The following TRIM3 variants were observed in gnomAD, a reference collection of about 807,000 sequenced individuals.
TRIM3 encodes tripartite motif-containing protein 3.
Under a neutral mutation model 66.6 loss-of-function variants are expected in TRIM3, and 13 were observed. The ratio of observed to expected loss-of-function variants is 0.20; its 90% CI spans 0.13 to 0.31. The LOEUF (loss-of-function observed/expected upper bound fraction) is 0.31, where lower values mean the gene tolerates loss of function less well. TRIM3 is among the 10% of genes least tolerant of loss of function. The pLI, the probability that TRIM3 is intolerant of heterozygous loss-of-function variation, is 1.00. For missense variants in TRIM3, 711 were observed against 1,020.4 expected, an observed-to-expected ratio of 0.70 and a Z score of 4.13; for synonymous variants, 406 against 411.7, an observed-to-expected ratio of 0.99 and a Z score of 0.17.
Position 6,456,921 on chromosome 11 carries a change from G to C in TRIM3, c.805C>G (p.Leu269Val). ...LRLGSAPEVL[L>V]VRKHMRERLA... ...CGCTCTCGCATGTGCTTGCGCACCAGCAACACCTCCGGGGCCGAGCCCAGG... is the reference window on the plus strand; with the variant it reads ...CGCTCTCGCATGTGCTTGCGCACCACCAACACCTCCGGGGCCGAGCCCAGG... The change falls in exon 6 of 12, where the codon CTG (leucine) becomes GTG (valine). Residue 269 changes from leucine to valine, a missense_variant. Physicochemically the swap from Leu to Val is conservative, Grantham distance 32. Around this residue, in one of 3 missense-constraint regions of TRIM3, gnomAD observed 399 missense variants for 458.1 expected, o/e 0.87. Coordinates refer to ENST00000345851, the MANE Select transcript of TRIM3 (RefSeq NM_033278.4). This position sits in a 1 kb window ranked among gnomAD's most constrained non-coding sequence, Gnocchi z 6.4. The C allele has an allele frequency of 6.2e-7, 1 of 1,611,660 alleles. No homozygotes were observed. The highest frequency in any genetic ancestry group is 8.5e-7 in the Non-Finnish European group (1 of 1,179,982).
chr11:6,469,366 AGCCGCT>A lies in TRIM3; in HGVS notation c.-37-3640_-37-3635del, dbSNP rs1850593042. Among the ~76,000 whole-genome samples the A allele has an allele frequency of 2.0e-5, 3 of 152,092 alleles. No individual in the cohort carries two copies. The South Asian group carries it at 6.2e-4, about 32-fold the overall frequency. ...CCCCTCCCAGACTTACTGGGCATGC[AGCCGCT>A]GAGGCCATACCCCTGCCTGAATCTG... On this transcript the variant is annotated intron_variant, in intron 1 of 11. Coordinates refer to ENST00000345851, the MANE Select transcript of TRIM3 (RefSeq NM_033278.4).
chr11:6,468,422 G>A (rs563478472), intron 1 of TRIM3, among the ~76,000 whole-genome samples: 4 of 152,330 alleles, frequency 2.6e-5, no homozygotes, highest in East Asian at 1.9e-4. Context: ...TTTCAGCAAT[G>A]AGAAGACATG....
Position 6,457,138 on chromosome 11 carries a change from CAG to C in TRIM3, c.697-111_697-110del. The C allele has an allele frequency of 6.6e-7, 1 of 1,518,848 alleles. No individual in the cohort carries two copies. Among genetic ancestry groups the C allele is most frequent in the Non-Finnish European group, 8.9e-7 (1 of 1,129,446 alleles). The allele number at this position is 1,518,848 out of a possible 1,614,324, so 94.1% of individuals were successfully genotyped here. On this transcript the variant is annotated intron_variant, in intron 5 of 11. Coordinates refer to ENST00000345851, the MANE Select transcript of TRIM3 (RefSeq NM_033278.4). This position sits in a 1 kb window ranked among gnomAD's most constrained non-coding sequence, Gnocchi z 4.5. ...TAAAATACAAGAGGGTGCCTGTGGA[CAG>C]AGGACACAGATGCCCACAGCACCTA... is the stretch of plus-strand genomic sequence containing the variant.
intron 2 of TRIM3, 82 bp downstream of exon 2, chr11:6,465,483 C>T (rs1186867034): frequency 6.4e-7 from 1 of 1,560,012 alleles, no homozygotes; most frequent in Non-Finnish European, 8.8e-7. Context: ...TACACATGCT[C>T]CCTCACCCTC....
intron 2 of TRIM3, among the ~76,000 whole-genome samples, chr11:6,463,113 G>A (rs185754556): frequency 0.012 from 1,851 of 152,242 alleles, 47 homozygotes; most frequent in African/African-American, 0.042. Context: ...GCTGAGGCAG[G>A]AGAATCACTT....
chr11:6,470,021 G>C (rs937146530), intron 1 of TRIM3, among the ~76,000 whole-genome samples: 1 of 152,150 alleles, frequency 6.6e-6, no homozygotes. Flanking sequence ...ATGCCTTGTT[G>C]GTCTTATTAA....
chr11:6,452,370 T>C (rs529267740), intron 7 of TRIM3: 1 of 152,210 alleles, frequency 6.6e-6, no homozygotes, highest in African/African-American at 2.4e-5. Flanking sequence ...ACTCACTACA[T>C]AAGTCTCATA....
chr11:6,458,304 G>A lies in TRIM3; in HGVS notation c.132-8C>T, dbSNP rs377606044. On this transcript the variant is annotated splice_region_variant and splice_polypyrimidine_tract_variant and intron_variant, in intron 2 of 11. Transcript: ENST00000345851. The surrounding 1 kb of genome is among the most constrained non-coding windows in gnomAD (Gnocchi z 6.2). Reference sequence around the variant, plus strand: ...ATATAGTTTTGGAGACATCTGTCCAGGAAGGAGAGTCAAAGAACAGAGTGG... The same window carrying A: ...ATATAGTTTTGGAGACATCTGTCCAAGAAGGAGAGTCAAAGAACAGAGTGG... 1 of 1,606,706 alleles carries A rather than the reference G, an allele frequency of 6.2e-7. No individual in the cohort carries two copies. Among genetic ancestry groups the A allele is most frequent in the African/African-American group, 1.3e-5 (1 of 74,808 alleles).
chr11:6,451,103 G>A (rs753248745), intron 8 of TRIM3, 43 bp from the exon 9 acceptor site: 2 of 1,609,654 alleles, frequency 1.2e-6, no homozygotes, highest in African/African-American at 1.3e-5. Flanking sequence ...TTCTGACAGT[G>A]GGGAAAGTAG....
rs1165792204 is a variant in TRIM3 at position 6,465,688 on chromosome 11, T to C, written c.8A>G (p.Lys3Arg). 1.9e-6 allele frequency: 3 copies of C among 1,614,018 alleles called. No individual in the cohort carries two copies. In the South Asian group the frequency reaches 3.3e-5, roughly 18 times the overall value. The change falls in exon 2 of 12, where the codon AAG (lysine) becomes AGG (arginine). Residue 3 changes from lysine (K) to arginine (R), a missense_variant. Coordinates refer to ENST00000345851, the MANE Select transcript of TRIM3 (RefSeq NM_033278.4). The stretch of plus-strand genomic sequence containing the variant: ...CTCTGGGCCAGGGCTGTCCTCCCTC[T>C]TTGCCATGGCGCCCACAGATGGCTC... MAKREDSPGPEVQ... is the reference protein window; with the variant it reads MARREDSPGPEVQ...
At chr11:6,471,284 G>C (rs889165850) in intron 1 of TRIM3, among the ~76,000 whole-genome samples, 1 of 152,224 alleles carries the variant, frequency 6.6e-6, no homozygotes, top group Non-Finnish European at 1.5e-5. Context: ...AGGCTCATTT[G>C]CTTGCTAAAA....
At chr11:6,463,194 G>T (rs978076278) in intron 2 of TRIM3, among the ~76,000 whole-genome samples, 3 of 151,864 alleles carry the variant, frequency 2.0e-5, no homozygotes, top group Non-Finnish European at 4.4e-5. Flanking sequence ...GACAGAGAGA[G>T]ACTCTGTCTC....
In TRIM3 at chr11:6,448,667, G is replaced by C. The variant is rs1447743781; in HGVS notation, c.*361C>G. On this transcript the variant is annotated 3_prime_UTR_variant, in exon 12 of 12. Coordinates refer to ENST00000345851, the MANE Select transcript of TRIM3 (RefSeq NM_033278.4). ...GGGTGGGGTATTGCTGTCTCTGTCA[G>C]TGTGTATAGGGTGGTAGGGAGACAA... 1.9e-6 allele frequency: 1 copy of C among 520,554 alleles called. No homozygotes were observed. The allele number at this position is 520,554 out of a possible 1,614,324, so 32.2% of individuals were successfully genotyped here.
intron 7 of TRIM3, chr11:6,452,411 C>G (rs1237281735): frequency 6.6e-6 from 1 of 152,266 alleles, no homozygotes; most frequent in Non-Finnish European, 1.5e-5. Flanking sequence ...TCTGGGGACA[C>G]AAGATGAACG....
chr11:6,465,819 T>G, intron 1 of TRIM3, 87 bp from the exon 2 acceptor site: 2 of 1,245,074 alleles, frequency 1.6e-6, no homozygotes, highest in Non-Finnish European at 2.3e-6. Context: ...GCAGAGAACT[T>G]GCCCCCACCT....
Position 6,456,685 on chromosome 11 carries a change from G to C in TRIM3, c.1041C>G (p.Thr347=), listed in dbSNP as rs746417812. Residue 347 remains threonine, a synonymous_variant, in exon 6 of 12, where the codon ACC becomes ACG. Transcript: ENST00000345851. This position sits in a 1 kb window ranked among gnomAD's most constrained non-coding sequence, Gnocchi z 6.4. ...GCACCAACCGCCCGTCCTTGTCTTT[G>C]GTAGTGACAGTGAGCGAGGCAGGCT... is the stretch of plus-strand genomic sequence containing the variant. ...VGQPASLTVT[T]KDKDGRLVRT... is the part of the protein sequence containing the mutation. 6.2e-7 allele frequency: 1 copy of C among 1,606,306 alleles called. No individual in the cohort carries two copies. Among genetic ancestry groups the C allele is most frequent in the South Asian group, 1.1e-5 (1 of 90,958 alleles).
At position 6,457,410 on chromosome 11, in the gene TRIM3, C is replaced by A. The variant is rs765851143; in HGVS notation, c.582G>T (p.Lys194Asn). Reference protein sequence around the residue: ...GGISQQLQERKAEALAQISAA... With the variant: ...GGISQQLQERNAEALAQISAA... ...CACTGATCTGGGCCAGGGCCTCTGC[C>A]TTGCGCTCCTGCAGCTGCTGGCTGA... Residue 194 changes from lysine (K) to asparagine (N), a missense_variant, in exon 5 of 12, where the codon AAG becomes AAT. Physicochemically the swap from Lys to Asn is moderately conservative, Grantham distance 94 (BLOSUM62 0). Coordinates refer to ENST00000345851, the MANE Select transcript of TRIM3 (RefSeq NM_033278.4). The surrounding 1 kb of genome is among the most constrained non-coding windows in gnomAD (Gnocchi z 4.5). 6.2e-7 allele frequency: 1 copy of A among 1,613,646 alleles called. No individual in the cohort carries two copies. The highest frequency in any genetic ancestry group is 1.3e-5 in the African/African-American group (1 of 74,926).
rs757482301 is a variant in TRIM3 at position 6,450,658 on chromosome 11, G to A, written c.1871-37C>T. The A allele has an allele frequency of 1.3e-6, 2 of 1,597,424 alleles. No homozygotes were observed. Among genetic ancestry groups the A allele is most frequent in the Non-Finnish European group, 1.7e-6 (2 of 1,165,098 alleles). On this transcript the variant is annotated intron_variant, in intron 9 of 11. Coordinates refer to ENST00000345851, the MANE Select transcript of TRIM3 (RefSeq NM_033278.4). This position sits in a 1 kb window ranked among gnomAD's most constrained non-coding sequence, Gnocchi z 4.8. ...AAGTGGTCTTCAGGGCAGTAAGCTG[G>A]GATGCTGAGTGGGATGGGGAAGAGT...
chr11:6,451,160 GGA>G, intron 8 of TRIM3, 100 bp from the exon 9 acceptor site: 1 of 1,583,776 alleles, frequency 6.3e-7, no homozygotes, highest in Non-Finnish European at 8.6e-7. Flanking sequence ...GAAAGAACAG[GGA>G]GTAGGAGGAG....
Sources: gnomAD v4.1 joint callset for allele counts (sites outside exome capture counted in the v4.1 genomes callset) on GRCh38, gnomAD v4.1.1 for gene constraint, gnomAD v4.1.1 regional missense constraint, Gnocchi (gnomAD v3.1) non-coding constraint, MANE v1.5 for transcripts, NCBI Gene and HGNC (gene_info 2026-07-23, HGNC 2026-07-21) for gene names.